The following CCDC158 variants were observed in gnomAD, a reference collection of about 807,000 sequenced individuals.
The protein encoded by CCDC158 is coiled-coil domain-containing protein 158.
In CCDC158, 116 loss-of-function variants were observed where a neutral mutation model predicts 138.6. The ratio of observed to expected loss-of-function variants is 0.84; its 90% CI spans 0.72 to 0.98. CCDC158 has a LOEUF of 0.98. Ranked by LOEUF, CCDC158 falls within the 50% of genes least tolerant of loss-of-function variation. The pLI is 0.00. For missense variants in CCDC158, 1,265 were observed against 1,306.1 expected (o/e 0.97, Z 0.48); for synonymous variants, 436 against 442.4 (o/e 0.99, Z 0.18).
At chr4:76,396,671 G>A (rs1159800557) in intron 3 of CCDC158, among the ~76,000 whole-genome samples, 185 bp from the exon 4 acceptor site, 6 of 151,600 alleles carry the variant, frequency 4.0e-5, no homozygotes, top group Non-Finnish European at 7.4e-5. Flanking sequence ...CCACCATGCC[G>A]GGCTAATTTT....
rs1726537803 is a variant in CCDC158, at chr4:76,384,069, T to C, written c.726+19A>G. The C allele has an allele frequency of 6.7e-7, 1 of 1,484,124 alleles. No individual in the cohort carries two copies. Among genetic ancestry groups the C allele is most frequent in the African/African-American group, 1.4e-5 (1 of 71,562 alleles). The allele number at this position is 1,484,124 out of a possible 1,614,324, so 91.9% of individuals were successfully genotyped here. ...GCATTTTAATATAAAATTATTTAAG[T>C]AGCATTCTCACCACTTACTGGAAAT... On this transcript the variant is annotated intron_variant, in intron 6 of 24. Transcript: ENST00000682701.
chr4:76,417,882 C>T (rs186702848), intron 1 of CCDC158, among the ~76,000 whole-genome samples: 1 of 152,272 alleles, frequency 6.6e-6, no homozygotes, highest in African/African-American at 2.4e-5. Flanking sequence ...CACTGACTCC[C>T]AGTGAAGAAG....
At chr4:76,319,538 C>T (rs1485138017) in intron 24 of CCDC158, among the ~76,000 whole-genome samples, 1 of 111,464 alleles carries the variant, frequency 9.0e-6, no homozygotes, top group African/African-American at 3.5e-5. Context: ...TGCAAAAATC[C>T]ACAACAAAAT....
In CCDC158 at chr4:76,351,707, A is replaced by G. The variant is rs751983822; in HGVS notation, c.2538+13T>C. 1 of 1,553,672 alleles carries G rather than the reference A, an allele frequency of 6.4e-7. No homozygotes were observed. Among genetic ancestry groups the G allele is most frequent in the South Asian group, 1.1e-5 (1 of 89,124 alleles). ...ATTATTTTCGCTTAAACTAATATTT[A>G]TGATGACCTTACTTTTATATCCAAA... is the stretch of plus-strand genomic sequence containing the variant. On this transcript the variant is annotated intron_variant, in intron 17 of 24. Transcript: ENST00000682701.
intron 12 of CCDC158, among the ~76,000 whole-genome samples, chr4:76,364,916 G>C (rs1030365782): frequency 6.6e-6 from 1 of 152,168 alleles, no homozygotes; most frequent in Non-Finnish European, 1.5e-5. Context: ...TGATGGGTTT[G>C]GGCAGTAAAG....
intron 15 of CCDC158, among the ~76,000 whole-genome samples, 188 bp from the exon 16 acceptor site, chr4:76,353,469 T>C (rs189344765): frequency 2.6e-5 from 4 of 152,346 alleles, no homozygotes; most frequent in Admixed American, 2.0e-4. Flanking sequence ...TCTCCTATTT[T>C]AATCATTGCT....
At position 76,371,409 on chromosome 4, in the gene CCDC158, A is replaced by C. The variant is rs1440617122; in HGVS notation, c.1149+8T>G. On this transcript the variant is annotated splice_region_variant and intron_variant, in intron 10 of 24. Transcript: ENST00000682701. ...TAGTCTTATTCATATTTTAAAGCAT[A>C]ATCTTACCAACAGCTTTTGAAGTTG... 6.2e-7 allele frequency: 1 copy of C among 1,613,286 alleles called. No individual in the cohort carries two copies. The highest frequency in any genetic ancestry group is 1.7e-4 in the Middle Eastern group (1 of 6,060).
intron 17 of CCDC158, among the ~76,000 whole-genome samples, chr4:76,351,513 C>G (rs1488641502): frequency 6.6e-6 from 1 of 152,060 alleles, no homozygotes; most frequent in African/African-American, 2.4e-5. Context: ...CTATTTTAAA[C>G]TAAGGATAGT....
chr4:76,350,952 C>G (rs75094648), intron 18 of CCDC158, 44 bp downstream of exon 18: 13 of 1,569,614 alleles, frequency 8.3e-6, no homozygotes, highest in Non-Finnish European at 1.1e-5. Flanking sequence ...AAATTACTTA[C>G]GCATATGTCA....
At chr4:76,364,146 C>T (rs1208218226) in intron 12 of CCDC158, among the ~76,000 whole-genome samples, 2 of 152,192 alleles carry the variant, frequency 1.3e-5, no homozygotes, top group Admixed American at 6.5e-5. Context: ...TGACTCTTCT[C>T]TGTTAGAGGC....
In CCDC158 at chr4:76,363,633, C is replaced by T. The variant is rs769150823; in HGVS notation, c.1831-1318G>A. ...TGGGAAGAGCTCTGTGTACAGGTAACGTGTCTGGGGAAGAGCAGGGACATC... is the reference window on the plus strand; with the variant it reads ...TGGGAAGAGCTCTGTGTACAGGTAATGTGTCTGGGGAAGAGCAGGGACATC... On this transcript the variant is annotated intron_variant, in intron 12 of 24. Coordinates refer to ENST00000682701, the MANE Select transcript of CCDC158 (RefSeq NM_001394954.1). Among the ~76,000 whole-genome samples, 4 of 152,036 alleles carry T rather than the reference C, an allele frequency of 2.6e-5. No individual in the cohort carries two copies. The South Asian group carries it at 6.2e-4, about 24-fold the overall frequency.
intron 7 of CCDC158, among the ~76,000 whole-genome samples, chr4:76,383,250 C>T (rs781348506): frequency 2.6e-5 from 4 of 152,168 alleles, no homozygotes; most frequent in Non-Finnish European, 4.4e-5. Flanking sequence ...CTCCCACCCT[C>T]GATATCTGAT....
chr4:76,380,145 G>A (rs1412156105), intron 8 of CCDC158, among the ~76,000 whole-genome samples: 1 of 152,166 alleles, frequency 6.6e-6, no homozygotes, highest in African/African-American at 2.4e-5. Context: ...CTGGTACCAG[G>A]AGAGTGGGGC....
chr4:76,367,675 C>T lies in CCDC158; in HGVS notation c.1449G>A (p.Glu483=). The T allele has an allele frequency of 6.2e-7, 1 of 1,614,174 alleles. No homozygotes were observed. The highest frequency in any genetic ancestry group is 8.5e-7 in the Non-Finnish European group (1 of 1,180,038). Reference sequence around the variant, plus strand: ...CCAGAGTCATTTTCTTGGCTGTCAACTCTTCTACTACTTTGCGCAGCATCT... The same window carrying T: ...CCAGAGTCATTTTCTTGGCTGTCAATTCTTCTACTACTTTGCGCAGCATCT... ...TKEMLRKVVE[E]LTAKKMTLES... is the part of the protein sequence containing the mutation. The change falls in exon 12 of 25, where the codon GAG becomes GAA. Residue 483 remains glutamate, a synonymous_variant. Transcript: ENST00000682701.
chr4:76,331,413 G>T lies in CCDC158; in HGVS notation c.2883-10C>A. ...CAACGAGTTGTTGCTTCTGTTGGTA[G>T]AGGGATGGGAGAAATCACAGTTTAA... is the stretch of plus-strand genomic sequence containing the variant. On this transcript the variant is annotated splice_polypyrimidine_tract_variant and intron_variant, in intron 20 of 24. Coordinates refer to ENST00000682701, the MANE Select transcript of CCDC158 (RefSeq NM_001394954.1). 6.2e-7 allele frequency: 1 copy of T among 1,611,662 alleles called. No homozygotes were observed. The highest frequency in any genetic ancestry group is 8.5e-7 in the Non-Finnish European group (1 of 1,177,856).
At chr4:76,330,850 T>C (rs1312363626) in intron 21 of CCDC158, among the ~76,000 whole-genome samples, 1 of 152,204 alleles carries the variant, frequency 6.6e-6, no homozygotes, top group Non-Finnish European at 1.5e-5. Context: ...AAATCCCCCA[T>C]GGATACCAAG....
At chr4:76,419,110 C>T (rs909389054) in intron 1 of CCDC158, among the ~76,000 whole-genome samples, 1 of 152,066 alleles carries the variant, frequency 6.6e-6, no homozygotes, top group African/African-American at 2.4e-5. Flanking sequence ...CCACTTTTTA[C>T]CTTTATTCTT....
chr4:76,398,666 C>CA (rs11379850), intron 3 of CCDC158, among the ~76,000 whole-genome samples: 61,571 of 118,282 alleles, frequency 0.52, 16,709 homozygotes, highest in South Asian at 0.8. Flanking sequence ...GACTCTGTCT[C>CA]AAAAAAAAAA....
intron 11 of CCDC158, among the ~76,000 whole-genome samples, 184 bp from the exon 12 acceptor site, chr4:76,367,960 A>G (rs1724859226): frequency 6.6e-6 from 1 of 151,020 alleles, no homozygotes; most frequent in Admixed American, 6.6e-5. Flanking sequence ...TCAAATTCCC[A>G]GCCTCAAATG....
Sources: gnomAD v4.1 joint callset for allele counts (sites outside exome capture counted in the v4.1 genomes callset) on GRCh38, gnomAD v4.1.1 for gene constraint, MANE v1.5 for transcripts, NCBI Gene and HGNC (gene_info 2026-07-23, HGNC 2026-07-21) for gene names.